NYAP2: variants seen among roughly 807,000 people sequenced by gnomAD.
The protein encoded by NYAP2 is neuronal tyrosine-phosphorylated phosphoinositide-3-kinase adaptor 2.
NYAP2 carries 23 observed loss-of-function variants against 50.4 expected under a neutral mutation model. The observed-to-expected ratio is 0.46, with a 90% CI of 0.33 to 0.65. NYAP2 has a LOEUF of 0.65. NYAP2 is among the 30% of genes least tolerant of loss of function. The pLI, the probability that NYAP2 is intolerant of heterozygous loss-of-function variation, is 0.02. For synonymous variants in NYAP2, 394 were observed against 365.2 expected (o/e 1.08, Z -0.90); for missense variants, 885 against 861.0 (o/e 1.03, Z -0.35).
chr2:225,513,688 T>C lies in NYAP2; in HGVS notation c.523+16T>C. ...AGGACTGAAGGTAAAACACGCCATG[T>C]CCATGTCACCTAGAAATCTCTTTCA... On this transcript the variant is annotated intron_variant, in intron 4 of 6. Transcript: ENST00000636099. 1 of 1,489,310 alleles carries C rather than the reference T, an allele frequency of 6.7e-7. No homozygotes were observed. 92.3% of individuals were successfully genotyped at this position (1,489,310 alleles called of 1,614,324 possible). A position where few individuals can be genotyped will look rare whatever the true frequency, so the allele number is the denominator to read the frequency against.
intron 4 of NYAP2, among the ~76,000 whole-genome samples, chr2:225,570,428 G>T (rs1419372979): frequency 1.3e-5 from 2 of 152,272 alleles, no homozygotes; most frequent in Middle Eastern, 3.4e-3. Context: ...AATTTATAAA[G>T]AAAAGAGGTT....
chr2:225,664,138 T>A, the NYAP2 span, among the ~76,000 whole-genome samples: 3 of 152,144 alleles, frequency 2.0e-5, no homozygotes, highest in African/African-American at 7.2e-5. Flanking sequence ...AAAGTCAAGT[T>A]AAGTAAATTT....
chr2:225,565,754 C>T (rs187316828), intron 4 of NYAP2, among the ~76,000 whole-genome samples: 1 of 152,212 alleles, frequency 6.6e-6, no homozygotes, highest in Admixed American at 6.5e-5. Context: ...TATGAATAAG[C>T]ATCATTATAT....
At chr2:225,427,423 G>GACGGACTAA (rs1695303715) in intron 3 of NYAP2, among the ~76,000 whole-genome samples, 1 of 152,194 alleles carries the variant, frequency 6.6e-6, no homozygotes, top group South Asian at 2.1e-4. Context: ...CGTCTTGACA[G>GACGGACTAA]ATTGTAGTGA....
the NYAP2 span, among the ~76,000 whole-genome samples, chr2:225,697,581 C>A: frequency 4.6e-5 from 7 of 151,974 alleles, no homozygotes; most frequent in Non-Finnish European, 7.4e-5. Context: ...TCATTCAAAT[C>A]TTTAAAACAT....
intron 4 of NYAP2, among the ~76,000 whole-genome samples, chr2:225,531,752 T>A (rs550783652): frequency 6.6e-6 from 1 of 152,352 alleles, no homozygotes; most frequent in East Asian, 1.9e-4. Context: ...TTTCTCTCCA[T>A]CCATCACTCA....
intron 6 of NYAP2, among the ~76,000 whole-genome samples, chr2:225,628,314 A>G (rs550756595): frequency 3.5e-5 from 5 of 141,314 alleles, no homozygotes; most frequent in Non-Finnish European, 7.7e-5. Flanking sequence ...GAGAACACAT[A>G]GTTTTTTTTT....
chr2:225,619,684 A>G (rs926527464), intron 5 of NYAP2, among the ~76,000 whole-genome samples: 6 of 152,164 alleles, frequency 3.9e-5, no homozygotes, highest in Admixed American at 3.9e-4. Context: ...GACAGCATAG[A>G]GAGGCAGGAA....
intron 6 of NYAP2, among the ~76,000 whole-genome samples, chr2:225,628,754 T>A (rs1219296072): frequency 2.0e-5 from 3 of 152,222 alleles, no homozygotes; most frequent in East Asian, 1.9e-4. Context: ...GTACCAATTC[T>A]ATTGAAAATA....
chr2:225,687,745 ATCTG>A, the NYAP2 span, among the ~76,000 whole-genome samples: 2 of 152,192 alleles, frequency 1.3e-5, no homozygotes, highest in African/African-American at 4.8e-5. Flanking sequence ...TAAGACAAAA[ATCTG>A]TCTGACTTCT....
intron 4 of NYAP2, among the ~76,000 whole-genome samples, chr2:225,577,770 A>C (rs1231550364): frequency 6.6e-6 from 1 of 151,860 alleles, no homozygotes; most frequent in East Asian, 1.9e-4. Context: ...AAGAACCATG[A>C]GATTACAAGG....
chr2:225,407,551 T>C (rs1694963339), intron 2 of NYAP2, among the ~76,000 whole-genome samples: 1 of 151,960 alleles, frequency 6.6e-6, no homozygotes, highest in Non-Finnish European at 1.5e-5. Flanking sequence ...AAAATTTCCA[T>C]AGTTATTATC....
intron 3 of NYAP2, among the ~76,000 whole-genome samples, chr2:225,450,443 A>C (rs1199613503): frequency 6.6e-6 from 1 of 152,236 alleles, no homozygotes; most frequent in African/African-American, 2.4e-5. Context: ...AATGAAAATC[A>C]CAGCAATAGA....
chr2:225,630,068 G>A (rs1439088744), intron 6 of NYAP2, among the ~76,000 whole-genome samples: 1 of 152,158 alleles, frequency 6.6e-6, no homozygotes, highest in Non-Finnish European at 1.5e-5. Flanking sequence ...TTCTCACCAG[G>A]AAGATGAAGA....
intron 3 of NYAP2, among the ~76,000 whole-genome samples, chr2:225,494,820 C>T (rs1574643032): frequency 6.6e-6 from 1 of 152,154 alleles, no homozygotes; most frequent in East Asian, 1.9e-4. Flanking sequence ...CTTGTATACA[C>T]AATACAGCTG....
chr2:225,458,431 A>G (rs1689773544), intron 3 of NYAP2, among the ~76,000 whole-genome samples: 1 of 152,224 alleles, frequency 6.6e-6, no homozygotes, highest in Non-Finnish European at 1.5e-5. Flanking sequence ...TTTTTATTGA[A>G]TCAATGTTAG....
rs1237986906 is a variant in NYAP2, at chr2:225,628,468, C to A, written c.1828+1342C>A. On this transcript the variant is annotated intron_variant, in intron 6 of 6. Coordinates refer to ENST00000636099, the Ensembl canonical transcript of NYAP2. The stretch of plus-strand genomic sequence containing the variant: ...TCCCTAGTAGCTGGGCTTACAGGTG[C>A]CCACCACCACGCCCAGCTAAGTTTT... Among the ~76,000 whole-genome samples, 10 of 151,880 alleles carry A rather than the reference C, an allele frequency of 6.6e-5. No homozygotes were observed. The South Asian group carries it at 2.1e-3, about 32-fold the overall frequency.
At chr2:225,575,513 G>A (rs1347300787) in intron 4 of NYAP2, among the ~76,000 whole-genome samples, 1 of 152,194 alleles carries the variant, frequency 6.6e-6, no homozygotes, top group Non-Finnish European at 1.5e-5. Flanking sequence ...GGCAGATGTG[G>A]GGGCCACTGG....
At chr2:225,546,401 G>A (rs376353707) in intron 4 of NYAP2, among the ~76,000 whole-genome samples, 1 of 152,072 alleles carries the variant, frequency 6.6e-6, no homozygotes. Context: ...AACCATGAGA[G>A]AATGTCCTTT....
Sources: allele counts gnomAD v4.1 joint callset (sites outside exome capture counted in the v4.1 genomes callset), GRCh38; gene constraint gnomAD v4.1.1; transcripts MANE v1.5; gene names NCBI Gene and HGNC (gene_info 2026-07-23, HGNC 2026-07-21).